Variants in NFX1 observed in about 807,000 individuals in gnomAD.
The protein encoded by NFX1 is transcriptional repressor NF-X1.
A neutral mutation model predicts 137.2 loss-of-function variants in NFX1; 69 were observed. That is an observed-to-expected ratio of 0.50 (90% CI 0.41 to 0.61). The LOEUF is 0.61. NFX1 is among the 20% of genes least tolerant of loss of function. NFX1 has a pLI of 0.00. For missense variants in NFX1, 1,167 were observed against 1,391.0 expected (o/e 0.84, Z 2.56); for synonymous variants, 495 against 474.1 (o/e 1.04, Z -0.57).
chr9:33,348,633 C>G (rs568167483), intron 15 of NFX1: 19 of 404,384 alleles, frequency 4.7e-5, no homozygotes, highest in African/African-American at 3.9e-4. Context: ...AAAAGTGGAA[C>G]AGATAGACTT....
intron 19 of NFX1, among the ~76,000 whole-genome samples, chr9:33,361,704 T>C (rs1587879485): frequency 6.6e-6 from 1 of 151,240 alleles, no homozygotes; most frequent in Admixed American, 6.6e-5. Flanking sequence ...ATCCAGGAGG[T>C]GGAGGTTGCA....
chr9:33,340,251 C>T (rs1460304104), intron 12 of NFX1, among the ~76,000 whole-genome samples: 1 of 152,234 alleles, frequency 6.6e-6, no homozygotes, highest in Admixed American at 6.5e-5. Flanking sequence ...CGTTTCCAAC[C>T]TCAGTTATTG....
intron 19 of NFX1, among the ~76,000 whole-genome samples, chr9:33,359,251 C>T (rs1823914502): frequency 6.7e-6 from 1 of 148,882 alleles, no homozygotes; most frequent in South Asian, 2.1e-4. Flanking sequence ...TTCTTCTTAC[C>T]TCATTGTATT....
chr9:33,352,662 A>G lies in NFX1; in HGVS notation c.2672A>G (p.Glu891Gly). The G allele has an allele frequency of 6.2e-7, 1 of 1,614,180 alleles. No individual in the cohort carries two copies. Among genetic ancestry groups the G allele is most frequent in the Non-Finnish European group, 8.5e-7 (1 of 1,179,996 alleles). ...TGACTTCAGGTAGAGCTACAGTGTG[A>G]ATGTGGACGAAGAAAAGAGATGGTG... is the stretch of plus-strand genomic sequence containing the variant. ...ACKAKVELQC[E>G]CGRRKEMVIC... The change falls in exon 17 of 24, where the codon GAA (glutamate) becomes GGA (glycine). Residue 891 changes from glutamate (E) to glycine (G), a missense_variant. This residue lies in a region of NFX1 where 312 missense variants were observed against 312.8 expected (regional missense o/e 1.00). Coordinates refer to ENST00000379540, the MANE Select transcript of NFX1 (RefSeq NM_002504.6).
intron 20 of NFX1, 87 bp from the exon 21 acceptor site, chr9:33,364,621 G>C (rs1769632088): frequency 1.4e-6 from 2 of 1,476,854 alleles, no homozygotes; most frequent in African/African-American, 1.4e-5. Context: ...ATTGTCTATT[G>C]TCTACGCTTT....
intron 1 of NFX1, among the ~76,000 whole-genome samples, chr9:33,293,603 T>C (rs896956605): frequency 9.2e-5 from 14 of 152,218 alleles, no homozygotes; most frequent in African/African-American, 3.4e-4. Flanking sequence ...TATAGTATAT[T>C]CTGTATGCTA....
intron 21 of NFX1, among the ~76,000 whole-genome samples, chr9:33,366,426 C>T (rs779997334): frequency 6.6e-6 from 1 of 152,134 alleles, no homozygotes; most frequent in Non-Finnish European, 1.5e-5. Flanking sequence ...TGTTGTGGCT[C>T]ACAGAGTAGG....
chr9:33,300,059 T>TA (rs916206577), intron 2 of NFX1, among the ~76,000 whole-genome samples: 19 of 151,336 alleles, frequency 1.3e-4, no homozygotes, highest in African/African-American at 4.4e-4. Flanking sequence ...GTACCTATGT[T>TA]ATAGCATTTT....
intron 7 of NFX1, among the ~76,000 whole-genome samples, chr9:33,315,958 G>A (rs1822148595): frequency 6.6e-6 from 1 of 151,772 alleles, no homozygotes; most frequent in South Asian, 2.1e-4. Flanking sequence ...ACGAAAACCA[G>A]TATTGTTCGA....
chr9:33,354,175 T>C lies in NFX1; in HGVS notation c.2819T>C (p.Val940Ala). Residue 940 changes from valine to alanine, a missense_variant, in exon 18 of 24, where the codon GTT (valine) becomes GCT (alanine). Val to Ala is a moderately conservative substitution (Grantham distance 64). Coordinates refer to ENST00000379540, the MANE Select transcript of NFX1 (RefSeq NM_002504.6). ...AGCAAGTTAATTACCAAAAAGGAAGTTCATCAAGCCAGGTAATTTTTAAAA... is the reference window on the plus strand; with the variant it reads ...AGCAAGTTAATTACCAAAAAGGAAGCTCATCAAGCCAGGTAATTTTTAAAA... ...EISKLITKKE[V>A]HQARLECDEE... The C allele has an allele frequency of 6.2e-7, 1 of 1,612,474 alleles. No homozygotes were observed. Among genetic ancestry groups the C allele is most frequent in the Non-Finnish European group, 8.5e-7 (1 of 1,179,474 alleles).
intron 15 of NFX1, among the ~76,000 whole-genome samples, chr9:33,350,195 T>C (rs933915425): frequency 2.0e-5 from 3 of 151,550 alleles, no homozygotes; most frequent in African/African-American, 7.3e-5. Flanking sequence ...TCCCAGCTAC[T>C]TGGGAGGCTG....
intron 15 of NFX1, among the ~76,000 whole-genome samples, chr9:33,350,296 T>C (rs1305593158): frequency 7.8e-6 from 1 of 128,636 alleles, no homozygotes; most frequent in East Asian, 2.3e-4. Context: ...AGAGCGAGAC[T>C]CCATCTCAAA....
chr9:33,355,129 A>G (rs1253038362), intron 19 of NFX1, among the ~76,000 whole-genome samples: 1 of 152,228 alleles, frequency 6.6e-6, no homozygotes, highest in African/African-American at 2.4e-5. Context: ...TATAAACATC[A>G]CATAACACAG....
intron 21 of NFX1, among the ~76,000 whole-genome samples, chr9:33,366,172 T>C (rs1020897379): frequency 2.6e-5 from 4 of 152,180 alleles, no homozygotes; most frequent in Admixed American, 2.6e-4. Context: ...ATTATTCCTC[T>C]CCTAATTAAG....
At chr9:33,325,678 A>G (rs528365710) in intron 9 of NFX1, among the ~76,000 whole-genome samples, 26 of 152,230 alleles carry the variant, frequency 1.7e-4, no homozygotes, top group Non-Finnish European at 3.4e-4. Flanking sequence ...AAAGAAAAAG[A>G]AAAAAAGAAA....
chr9:33,292,247 G>A (rs1292384801), intron 1 of NFX1, among the ~76,000 whole-genome samples: 2 of 152,062 alleles, frequency 1.3e-5, no homozygotes, highest in East Asian at 3.8e-4. Flanking sequence ...CTTTTCATGT[G>A]CTTTAGTTTG....
chr9:33,317,099 A>T (rs977875478), intron 7 of NFX1, among the ~76,000 whole-genome samples: 4 of 152,126 alleles, frequency 2.6e-5, no homozygotes, highest in African/African-American at 9.7e-5. Flanking sequence ...TATTAAATGA[A>T]CAAATGAGTT....
intron 9 of NFX1, among the ~76,000 whole-genome samples, chr9:33,322,129 G>A (rs1359308272): frequency 6.6e-6 from 1 of 151,364 alleles, no homozygotes; most frequent in East Asian, 2.0e-4. Flanking sequence ...TGAACCTGGG[G>A]GGCAGTAGTT....
chr9:33,290,877 G>C (rs1284586622), intron 1 of NFX1, among the ~76,000 whole-genome samples: 1 of 152,246 alleles, frequency 6.6e-6, no homozygotes, highest in East Asian at 1.9e-4. Flanking sequence ...GGCTGTTTCT[G>C]GGGCAGCGGC....
Sources: gnomAD v4.1 joint callset for allele counts (sites outside exome capture counted in the v4.1 genomes callset) on GRCh38, gnomAD v4.1.1 for gene constraint, gnomAD v4.1.1 regional missense constraint, MANE v1.5 for transcripts, NCBI Gene and HGNC (gene_info 2026-07-23, HGNC 2026-07-21) for gene names.